TRAPPC9: variants seen among roughly 807,000 people sequenced by gnomAD.
TRAPPC9 encodes the protein trafficking protein particle complex subunit 9.
Under a neutral mutation model 124.0 loss-of-function variants are expected in TRAPPC9, and 83 were observed. The observed-to-expected ratio is 0.67, with a 90% confidence interval of 0.56 to 0.80. The LOEUF (loss-of-function observed/expected upper bound fraction) is 0.80, where lower values mean the gene tolerates loss of function less well. Ranked by LOEUF, TRAPPC9 falls within the 30% of genes least tolerant of loss-of-function variation. TRAPPC9 has a pLI of 0.00. For missense variants in TRAPPC9, 1,302 were observed against 1,508.3 expected (o/e 0.86, Z 2.27); for synonymous variants, 638 against 617.5 (o/e 1.03, Z -0.49).
chr8:140,274,121 T>A (rs1428171662), intron 15 of TRAPPC9, among the ~76,000 whole-genome samples: 2 of 152,120 alleles, frequency 1.3e-5, no homozygotes, highest in Non-Finnish European at 2.9e-5. Context: ...GCATTTTTAA[T>A]AACTATTTAG....
intron 21 of TRAPPC9, among the ~76,000 whole-genome samples, chr8:139,827,418 T>C (rs1586931585): frequency 6.6e-6 from 1 of 152,186 alleles, no homozygotes; most frequent in East Asian, 1.9e-4. Context: ...TTGCAGCTTC[T>C]GAAGACACCA....
intron 17 of TRAPPC9, among the ~76,000 whole-genome samples, chr8:140,185,117 T>C (rs949506225): frequency 9.9e-5 from 15 of 152,176 alleles, no homozygotes; most frequent in South Asian, 4.1e-4. Context: ...AGCTATAGAA[T>C]TGATCATTTT....
chr8:139,746,165 C>T (rs944665749), intron 21 of TRAPPC9, among the ~76,000 whole-genome samples: 4 of 152,206 alleles, frequency 2.6e-5, no homozygotes, highest in African/African-American at 9.6e-5. Context: ...GTCTCAAGGC[C>T]CTGCACATCT....
chr8:139,910,652 G>C (rs377454390), intron 19 of TRAPPC9, among the ~76,000 whole-genome samples: 13 of 152,322 alleles, frequency 8.5e-5, no homozygotes, highest in African/African-American at 2.9e-4. Flanking sequence ...TGCAGTCATG[G>C]AGAACGCTGA....
chr8:140,423,814 A>G (rs1490735282), intron 5 of TRAPPC9, among the ~76,000 whole-genome samples: 3 of 152,172 alleles, frequency 2.0e-5, no homozygotes, highest in Non-Finnish European at 4.4e-5. Context: ...GCATACTGAC[A>G]CGTGCTATAC....
chr8:139,728,595 T>C lies in TRAPPC9; in HGVS notation c.*2466A>G, dbSNP rs1817665524. On this transcript the variant is annotated 3_prime_UTR_variant, in exon 23 of 23. Coordinates refer to ENST00000438773, the MANE Select transcript of TRAPPC9 (RefSeq NM_001160372.4). Reference sequence around the variant, plus strand: ...CAGAAATGCCAGCAAACAACACCCCTGGCTCCCCACATCCCACGGTAAAGC... The same window carrying C: ...CAGAAATGCCAGCAAACAACACCCCCGGCTCCCCACATCCCACGGTAAAGC... Among the ~76,000 whole-genome samples, 1 of 152,134 alleles carries C rather than the reference T, an allele frequency of 6.6e-6. No homozygotes were observed. The highest frequency in any genetic ancestry group is 1.5e-5 in the Non-Finnish European group (1 of 68,016).
At chr8:139,998,741 TAAAAC>T (rs1838204499) in intron 18 of TRAPPC9, among the ~76,000 whole-genome samples, 2 of 150,902 alleles carry the variant, frequency 1.3e-5, no homozygotes, top group Non-Finnish European at 3.0e-5. Context: ...AATAAATAAA[TAAAAC>T]AAAACAAAAA....
intron 7 of TRAPPC9, among the ~76,000 whole-genome samples, chr8:140,396,143 T>C (rs1256195175): frequency 6.9e-6 from 1 of 145,702 alleles, no homozygotes; most frequent in African/African-American, 2.5e-5. Context: ...CTTGCCTTTT[T>C]TTTTTTTTTT....
intron 8 of TRAPPC9, among the ~76,000 whole-genome samples, chr8:140,367,471 T>C (rs1481455660): frequency 2.0e-5 from 3 of 152,164 alleles, no homozygotes; most frequent in African/African-American, 7.2e-5. Context: ...AGAAGCCAAT[T>C]TGAAAAGGCT....
chr8:140,271,033 T>G (rs921654329), intron 15 of TRAPPC9, among the ~76,000 whole-genome samples: 1 of 152,198 alleles, frequency 6.6e-6, no homozygotes, highest in African/African-American at 2.4e-5. Flanking sequence ...AAGGAAAAAA[T>G]GTTTTCCAGT....
intron 21 of TRAPPC9, among the ~76,000 whole-genome samples, chr8:139,789,621 G>T (rs370748375): frequency 3.8e-4 from 58 of 152,146 alleles, no homozygotes; most frequent in African/African-American, 1.4e-3. Context: ...CAACAGTGCT[G>T]GGGGGACACC....
At chr8:140,152,615 G>A (rs1376369816) in intron 17 of TRAPPC9, among the ~76,000 whole-genome samples, 6 of 151,496 alleles carry the variant, frequency 4.0e-5, no homozygotes, top group East Asian at 1.9e-4. Context: ...TGATCCACCC[G>A]CCTCGGCCTC....
chr8:139,852,891 G>A (rs1284291023), intron 21 of TRAPPC9, among the ~76,000 whole-genome samples: 1 of 152,180 alleles, frequency 6.6e-6, no homozygotes, highest in Non-Finnish European at 1.5e-5. Flanking sequence ...AGAGGAAACT[G>A]CAAACATAGT....
intron 18 of TRAPPC9, among the ~76,000 whole-genome samples, chr8:140,021,347 C>T (rs1367394247): frequency 1.3e-5 from 2 of 152,188 alleles, no homozygotes; most frequent in Non-Finnish European, 2.9e-5. Context: ...TAACAATTTG[C>T]ATATAACACA....
intron 15 of TRAPPC9, among the ~76,000 whole-genome samples, chr8:140,266,930 T>C (rs2064687029): frequency 1.3e-5 from 2 of 152,052 alleles, no homozygotes; most frequent in Admixed American, 1.3e-4. Context: ...ACTCACCCCA[T>C]AAAAGCCCCA....
chr8:140,048,790 C>T (rs561445086), intron 17 of TRAPPC9, among the ~76,000 whole-genome samples: 3 of 152,238 alleles, frequency 2.0e-5, no homozygotes, highest in African/African-American at 7.2e-5. Flanking sequence ...CCCCCTCTCC[C>T]GCATGAATAG....
chr8:140,013,968 T>C (rs1839297098), intron 18 of TRAPPC9, among the ~76,000 whole-genome samples: 1 of 152,200 alleles, frequency 6.6e-6, no homozygotes, highest in Admixed American at 6.5e-5. Context: ...CTCTCACTCC[T>C]GGTGTGCACT....
chr8:139,875,068 A>G (rs1042789946), intron 21 of TRAPPC9, among the ~76,000 whole-genome samples: 13 of 152,222 alleles, frequency 8.5e-5, no homozygotes, highest in African/African-American at 3.1e-4. Context: ...GGGGATCAAG[A>G]TCACAATTAA....
At chr8:140,026,042 T>C (rs1840127154) in intron 17 of TRAPPC9, among the ~76,000 whole-genome samples, 1 of 152,200 alleles carries the variant, frequency 6.6e-6, no homozygotes. Context: ...CCCACCATGC[T>C]ACTTTTTGTC....
Sources: allele counts gnomAD v4.1 joint callset (sites outside exome capture counted in the v4.1 genomes callset), GRCh38; gene constraint gnomAD v4.1.1; transcripts MANE v1.5; gene names NCBI Gene and HGNC (gene_info 2026-07-23, HGNC 2026-07-21).